PCDH7: variants seen among roughly 807,000 people sequenced by gnomAD.
PCDH7 encodes the protein protocadherin 7, also known as protocadherin-7.
PCDH7 carries 17 observed loss-of-function variants against 58.9 expected under a neutral mutation model. That is an observed-to-expected ratio of 0.29 (90% CI 0.20 to 0.43). The LOEUF is 0.43. Among genes scored for constraint, PCDH7 ranks in the 20% least tolerant of loss-of-function variants. The probability of loss-of-function intolerance (pLI) is 1.00; values close to 1 mark genes in which losing one functional copy is unlikely to be tolerated. For missense variants in PCDH7, 1,274 were observed against 1,441.0 expected, an observed-to-expected ratio of 0.88 and a Z score of 1.88; for synonymous variants, 664 against 616.4, an observed-to-expected ratio of 1.08 and a Z score of -1.14.
chr4:30,917,389 G>A (rs1295827516), intron 1 of PCDH7, among the ~76,000 whole-genome samples: 1 of 152,040 alleles, frequency 6.6e-6, no homozygotes, highest in African/African-American at 2.4e-5. Context: ...AATCTGAAGA[G>A]CTAGTGATAT....
intron 3 of PCDH7, among the ~76,000 whole-genome samples, chr4:30,989,628 T>A (rs1364635226): frequency 6.6e-6 from 1 of 152,158 alleles, no homozygotes; most frequent in African/African-American, 2.4e-5. Flanking sequence ...CTCTAACCTC[T>A]CCTTTTGCCT....
intron 1 of PCDH7, among the ~76,000 whole-genome samples, chr4:30,746,021 G>A (rs925411314): frequency 2.6e-5 from 4 of 151,898 alleles, no homozygotes; most frequent in African/African-American, 9.7e-5. Flanking sequence ...TGTAGACGGG[G>A]TTTCAGCATG....
intron 1 of PCDH7, among the ~76,000 whole-genome samples, chr4:30,882,288 G>A (rs1737081558): frequency 6.6e-6 from 1 of 151,374 alleles, no homozygotes; most frequent in Admixed American, 6.6e-5. Context: ...TTGGAGAAAG[G>A]GTCTTGTTCT....
chr4:31,021,993 T>A (rs1054571758), intron 3 of PCDH7, among the ~76,000 whole-genome samples: 1 of 152,218 alleles, frequency 6.6e-6, no homozygotes, highest in African/African-American at 2.4e-5. Context: ...TTAGGCAACT[T>A]AACACAGCTT....
chr4:31,111,421 G>T (rs1337241352), intron 3 of PCDH7, among the ~76,000 whole-genome samples: 1 of 151,258 alleles, frequency 6.6e-6, no homozygotes, highest in East Asian at 2.0e-4. Flanking sequence ...GATTCTCCCT[G>T]CTTCAGCCTC....
intron 1 of PCDH7, among the ~76,000 whole-genome samples, chr4:30,897,215 T>A (rs2109390757): frequency 6.6e-6 from 1 of 152,244 alleles, no homozygotes; most frequent in East Asian, 1.9e-4. Flanking sequence ...CCCAGTTCTT[T>A]GTTTACAACA....
At chr4:30,775,118 G>T (rs933838831) in intron 1 of PCDH7, among the ~76,000 whole-genome samples, 7 of 152,108 alleles carry the variant, frequency 4.6e-5, no homozygotes, top group Non-Finnish European at 7.4e-5. Flanking sequence ...TGACATTCCA[G>T]GGTATTGATT....
exon 4 of PCDH7, chr4:31,142,930 T>A: frequency 1.8e-6 from 2 of 1,088,006 alleles, no homozygotes; most frequent in Non-Finnish European, 2.4e-6. Flanking sequence ...GCAAAACGTT[T>A]AATCACAAAG....
In PCDH7 at chr4:30,722,433, G is replaced by A. The variant is rs1713800480; in HGVS notation, c.1011G>A (p.Val337=). 6.2e-7 allele frequency: 1 copy of A among 1,612,398 alleles called. No homozygotes were observed. The highest frequency in any genetic ancestry group is 8.5e-7 in the Non-Finnish European group (1 of 1,179,812). The change falls in exon 1 of 2, where the codon GTG becomes GTA. Residue 337 remains valine (V), a synonymous_variant. Transcript: ENST00000361762. The surrounding 1 kb of genome is among the most constrained non-coding windows in gnomAD (Gnocchi z 7.6). ...AACTGCGCGCAGCCGACTTGGACGT[G>A]GGGGTCAACGGGCAGATCGAATACG...
chr4:30,722,901 G>A lies in PCDH7; in HGVS notation c.1479G>A (p.Leu493=), dbSNP rs1713920151. ...ACTTCTTGCACACCTCGACCCCTCT[G>A]GACTATGAGGCCACCCGGGAGTTCA... is the stretch of plus-strand genomic sequence containing the variant. The change falls in exon 1 of 2, where the codon CTG becomes CTA. Residue 493 remains leucine (L), a synonymous_variant. Transcript: ENST00000361762. This position sits in a 1 kb window ranked among gnomAD's most constrained non-coding sequence, Gnocchi z 7.6. The A allele has an allele frequency of 6.2e-7, 1 of 1,613,836 alleles. No individual in the cohort carries two copies. The highest frequency in any genetic ancestry group is 1.3e-5 in the African/African-American group (1 of 75,032).
In PCDH7 at chr4:30,843,343, A is replaced by G. The variant is rs549547665; in HGVS notation, c.71-76810A>G. Among the ~76,000 whole-genome samples the G allele has an allele frequency of 2.9e-3, 447 of 152,168 alleles. 1 individual carries two copies. Among genetic ancestry groups the G allele is most frequent in the African/African-American group, 0.01 (418 of 41,540 alleles). On this transcript the variant is annotated intron_variant, in intron 1 of 3. Transcript: ENST00000509759. ...CTGCCGCTGGAGTAGCTGGGACTAC[A>G]GTTGTGCGCCCTGCTAATTTTTCAG...
At chr4:30,796,706 CTTGA>C (rs1314989696) in intron 1 of PCDH7, among the ~76,000 whole-genome samples, 1 of 152,170 alleles carries the variant, frequency 6.6e-6, no homozygotes, top group Non-Finnish European at 1.5e-5. Context: ...TTTTAAATGT[CTTGA>C]TTTAGAATCA....
intron 1 of PCDH7, among the ~76,000 whole-genome samples, chr4:30,761,212 C>A (rs190111919): frequency 4.6e-5 from 7 of 152,292 alleles, no homozygotes. Context: ...TAAATTCTTA[C>A]CTGCAAAAGA....
chr4:30,987,376 G>A (rs1751070778), intron 3 of PCDH7, among the ~76,000 whole-genome samples: 1 of 151,456 alleles, frequency 6.6e-6, no homozygotes, highest in African/African-American at 2.4e-5. Flanking sequence ...GACACCCAGC[G>A]ACTGCCTCAA....
intron 2 of PCDH7, among the ~76,000 whole-genome samples, chr4:30,933,218 G>A (rs1266263008): frequency 6.6e-6 from 1 of 151,944 alleles, no homozygotes; most frequent in Non-Finnish European, 1.5e-5. Flanking sequence ...GTAGAGACAG[G>A]GTTTCACCGT....
intron 1 of PCDH7, among the ~76,000 whole-genome samples, chr4:30,784,796 A>G (rs1462798054): frequency 1.3e-5 from 2 of 152,040 alleles, no homozygotes; most frequent in East Asian, 1.9e-4. Flanking sequence ...GGGGAAAAAA[A>G]GGGGCAAAAT....
At position 30,786,751 on chromosome 4, in the gene PCDH7, C is replaced by G. The variant is rs570226042; in HGVS notation, c.70+62155C>G. The G allele has an allele frequency of 2.1e-5, 21 of 983,618 alleles. No homozygotes were observed. In the African/African-American group the frequency reaches 3.7e-4, roughly 17 times the overall value. 60.9% of individuals were successfully genotyped at this position (983,618 alleles called of 1,614,324 possible). A position where few individuals can be genotyped will look rare whatever the true frequency, so the allele number is the denominator to read the frequency against. On this transcript the variant is annotated intron_variant, in intron 1 of 3. Coordinates refer to the PCDH7 transcript ENST00000509759. ...GGTGGATACAGTGCAGACCATGAAC[C>G]CCTCTGGCCACATTGAGGAATCGTG...
At chr4:30,725,047 G>C in intron 1 of PCDH7, 1 of 1,004,448 alleles carries the variant, frequency 1.0e-6, no homozygotes, top group Non-Finnish European at 1.2e-6. Flanking sequence ...AGAAGTTTTA[G>C]CTATGTTATT....
chr4:30,750,172 AC>A (rs1718321563), intron 1 of PCDH7, among the ~76,000 whole-genome samples: 1 of 152,158 alleles, frequency 6.6e-6, no homozygotes. Flanking sequence ...ACTCTCTTCC[AC>A]CTTTAGGCTA....
Sources: gnomAD v4.1 joint callset for allele counts (sites outside exome capture counted in the v4.1 genomes callset) on GRCh38, gnomAD v4.1.1 for gene constraint, Gnocchi (gnomAD v3.1) non-coding constraint, MANE v1.5 for transcripts, NCBI Gene and HGNC (gene_info 2026-07-23, HGNC 2026-07-21) for gene names.